The following CTRB2 variants were observed in gnomAD, a reference collection of about 807,000 sequenced individuals.
The protein encoded by CTRB2 is chymotrypsin B2.
Under a neutral mutation model 19.3 loss-of-function variants are expected in CTRB2, and 9 were observed. That is an observed-to-expected ratio of 0.47 (90% CI 0.28 to 0.81). The LOEUF is 0.81. Among genes scored for constraint, CTRB2 ranks in the 40% least tolerant of loss-of-function variants. The pLI, the probability that CTRB2 is intolerant of heterozygous loss-of-function variation, is 0.11. For synonymous variants in CTRB2, 98 were observed against 117.3 expected, an observed-to-expected ratio of 0.84 and a Z score of 1.06; for missense variants, 210 against 269.7, an observed-to-expected ratio of 0.78 and a Z score of 1.55.
Position 75,204,295 on chromosome 16 carries a change from G to A in CTRB2, c.658C>T (p.Gln220Ter), listed in dbSNP as rs764474908. The A allele has an allele frequency of 9.3e-6, 15 of 1,613,952 alleles. No homozygotes were observed. In the East Asian group the frequency reaches 2.7e-4, roughly 29 times the overall value. The change falls in exon 7 of 7, where the codon CAG becomes TAG. Residue 220 changes from glutamine to a stop codon, truncating the protein, a stop_gained. Transcript: ENST00000303037. LOFTEE classifies it low-confidence loss of function (END_TRUNC). ...MGDSGGPLVC[Q>*]KDGAWTLVGI... is the part of the protein sequence containing the mutation. ...ACCAGGGTCCAGGCTCCGTCCTTCTGGCAGACCAGGGGGCCTCCAGAGTCA... is the reference window on the plus strand; with the variant it reads ...ACCAGGGTCCAGGCTCCGTCCTTCTAGCAGACCAGGGGGCCTCCAGAGTCA...
In CTRB2 at chr16:75,205,365, GCA is replaced by G; in HGVS notation, c.462_463del (p.Ala155HisfsTer16). Reference sequence around the variant, plus strand: ...CTTGGTCTTGCCCCAGCCTGTGGTGGCACACAGTGTCCCCGCGGGGAAGTCGT... The same window carrying G: ...CTTGGTCTTGCCCCAGCCTGTGGTGGCACAGTGTCCCCGCGGGGAAGTCGT... On this transcript the variant is annotated frameshift_variant, in exon 5 of 7. Coordinates refer to ENST00000303037, the MANE Select transcript of CTRB2 (RefSeq NM_001025200.4). LOFTEE classifies it high-confidence loss of function. The G allele has an allele frequency of 2.4e-6, 1 of 414,510 alleles. No individual in the cohort carries two copies. 25.7% of individuals were successfully genotyped at this position (414,510 alleles called of 1,614,324 possible).
chr16:75,204,912 G>A lies in CTRB2; in HGVS notation c.497-6C>T. On this transcript the variant is annotated splice_polypyrimidine_tract_variant and splice_region_variant and intron_variant, in intron 5 of 6. Transcript: ENST00000303037. ...CTTGTCAGGGGTCTTGTTGGCTGCAGGACAGGAGGAGGGTCAGGGCCCCTG... is the reference window on the plus strand; with the variant it reads ...CTTGTCAGGGGTCTTGTTGGCTGCAAGACAGGAGGAGGGTCAGGGCCCCTG... 3 of 1,007,652 alleles carry A rather than the reference G, an allele frequency of 3.0e-6. No homozygotes were observed. The highest frequency in any genetic ancestry group is 4.3e-6 in the Non-Finnish European group (3 of 705,692). The allele number at this position is 1,007,652 out of a possible 1,614,324, so 62.4% of individuals were successfully genotyped here.
Position 75,206,126 on chromosome 16 carries a change from G to T in CTRB2, c.120C>A (p.Ala40=). 1.3e-6 allele frequency: 2 copies of T among 1,540,420 alleles called. No individual in the cohort carries two copies. The highest frequency in any genetic ancestry group is 1.8e-6 in the Non-Finnish European group (2 of 1,140,082). The change falls in exon 2 of 7, where the codon GCC becomes GCA. Residue 40 remains alanine (A), a synonymous_variant. Coordinates refer to ENST00000303037, the MANE Select transcript of CTRB2 (RefSeq NM_001025200.4). ...GLSRIVNGED[A]VPGSWPWQVS... ...CCTGCCAGGGCCAGGAGCCGGGGACGGCGTCCTCCCCATTCACGATCCTGG... is the reference window on the plus strand; with the variant it reads ...CCTGCCAGGGCCAGGAGCCGGGGACTGCGTCCTCCCCATTCACGATCCTGG...
rs915833993 is a variant in CTRB2 at position 75,206,944 on chromosome 16, C to A, written c.52+146G>T. On this transcript the variant is annotated intron_variant, in intron 1 of 6. Transcript: ENST00000303037. ...GGAGGCATTGACCTCTCAGCGCCCA[C>A]GGCAGAGATGGAGCCGGTGACTCGC... 2.2e-5 allele frequency: 17 copies of A among 776,250 alleles called. No individual in the cohort carries two copies. In the African/African-American group the frequency reaches 2.2e-4, roughly 10 times the overall value. 48.1% of individuals were successfully genotyped at this position (776,250 alleles called of 1,614,324 possible).
chr16:75,205,083 C>T, intron 5 of CTRB2, 177 bp from the exon 6 acceptor site: 1 of 231,250 alleles, frequency 4.3e-6, no homozygotes, highest in Non-Finnish European at 7.4e-6. Flanking sequence ...CGGGTGGGAG[C>T]CCCACGCTGC....
Position 75,204,814 on chromosome 16 carries a change from C to G in CTRB2, c.589G>C (p.Val197Leu), listed in dbSNP as rs565487383. The change falls in exon 6 of 7, where the codon GTG becomes CTG. Residue 197 changes from valine (V) to leucine (L), a missense_variant. Around this residue, in one of 4 missense-constraint regions of CTRB2, gnomAD observed 27 missense variants for 42.5 expected, o/e 0.64. Transcript: ENST00000303037. ...CCACTGGCCCCGGCACAGATCATCACGTCGGTGATCCTCCTGCCCCAGGAC... is the reference window on the plus strand; with the variant it reads ...CCACTGGCCCCGGCACAGATCATCAGGTCGGTGATCCTCCTGCCCCAGGAC... ...KKSWGRRITD[V>L]MICAGASGVS... 10 of 1,411,912 alleles carry G rather than the reference C, an allele frequency of 7.1e-6. 1 individual carries two copies. Among genetic ancestry groups the G allele is most frequent in the Admixed American group, 6.4e-5 (3 of 46,798 alleles). The allele number at this position is 1,411,912 out of a possible 1,614,324, so 87.5% of individuals were successfully genotyped here.
chr16:75,206,488 G>A (rs2038894266), intron 1 of CTRB2: 4 of 496,490 alleles, frequency 8.1e-6, no homozygotes, highest in Non-Finnish European at 1.4e-5. Flanking sequence ...CTCAGTCTGG[G>A]AGGCCAGACT....
At chr16:75,204,377 G>A in intron 6 of CTRB2, 55 bp from the exon 7 acceptor site, 3 of 1,557,450 alleles carry the variant, frequency 1.9e-6, no homozygotes, top group South Asian at 2.2e-5. Flanking sequence ...AGGGCCTAGG[G>A]GACCCTGACC....
At chr16:75,206,711 C>G (rs2038897756) in intron 1 of CTRB2, 2 of 372,406 alleles carry the variant, frequency 5.4e-6, no homozygotes, top group Non-Finnish European at 1.0e-5. Flanking sequence ...TGAACGGTGC[C>G]AAGCCCCAGC....
chr16:75,206,418 C>A, intron 1 of CTRB2: 1 of 585,754 alleles, frequency 1.7e-6, no homozygotes, highest in Non-Finnish European at 3.0e-6. Context: ...GGGGTGTTGG[C>A]CCCACCTCAG....
chr16:75,206,916 G>A lies in CTRB2; in HGVS notation c.52+174C>T, dbSNP rs1464889247. ...GCTCAGAGGCGGCAGCTGAGCCTGG[G>A]AGGGAGGCATTGACCTCTCAGCGCC... On this transcript the variant is annotated intron_variant, in intron 1 of 6. Coordinates refer to ENST00000303037, the MANE Select transcript of CTRB2 (RefSeq NM_001025200.4). The A allele has an allele frequency of 3.1e-6, 2 of 644,902 alleles. 1 individual carries two copies. Among genetic ancestry groups the A allele is most frequent in the African/African-American group, 3.6e-5 (2 of 55,812 alleles). 39.9% of individuals were successfully genotyped at this position (644,902 alleles called of 1,614,324 possible).
chr16:75,206,745 C>A, intron 1 of CTRB2: 2 of 396,948 alleles, frequency 5.0e-6, no homozygotes, highest in Non-Finnish European at 9.6e-6. Flanking sequence ...ACCACCCAAA[C>A]CTGTGCTGGG....
intron 1 of CTRB2, chr16:75,206,873 G>A (rs1488593823): frequency 5.4e-6 from 3 of 560,382 alleles, no homozygotes; most frequent in Admixed American, 2.8e-5. Flanking sequence ...AAGGGGAGCG[G>A]GACTCCCCAT....
In CTRB2 at chr16:75,205,135, G is replaced by A. The variant is rs1372427287; in HGVS notation, c.496+198C>T. On this transcript the variant is annotated intron_variant, in intron 5 of 6. Transcript: ENST00000303037. ...GCCAGGGCAGGGCTCACCCGGCCGG[G>A]CGCTGCTCAGAAGCTCCCTGTGCAG... 3.2e-5 allele frequency: 6 copies of A among 188,480 alleles called. No individual in the cohort carries two copies. In the East Asian group the frequency reaches 6.8e-4, roughly 21 times the overall value. The allele number at this position is 188,480 out of a possible 1,614,324, so 11.7% of individuals were successfully genotyped here.
rs781425687 is a variant in CTRB2, at chr16:75,204,299, G to A, written c.654C>T (p.Val218=). Residue 218 remains valine, a synonymous_variant, in exon 7 of 7, where the codon GTC becomes GTT. Coordinates refer to ENST00000303037, the MANE Select transcript of CTRB2 (RefSeq NM_001025200.4). ...SCMGDSGGPL[V]CQKDGAWTLV... is the part of the protein sequence containing the mutation. ...GGGTCCAGGCTCCGTCCTTCTGGCAGACCAGGGGGCCTCCAGAGTCACCCT... is the reference window on the plus strand; with the variant it reads ...GGGTCCAGGCTCCGTCCTTCTGGCAAACCAGGGGGCCTCCAGAGTCACCCT... The A allele has an allele frequency of 3.1e-6, 5 of 1,613,974 alleles. No individual in the cohort carries two copies. In the African/African-American group the frequency reaches 5.3e-5, roughly 17 times the overall value.
At position 75,204,124 on chromosome 16, in the gene CTRB2, G is replaced by A; in HGVS notation, c.*37C>T. 6.2e-7 allele frequency: 1 copy of A among 1,613,568 alleles called. No individual in the cohort carries two copies. Among genetic ancestry groups the A allele is most frequent in the Non-Finnish European group, 8.5e-7 (1 of 1,179,536 alleles). ...GGGCTTCTAAACAGATGCATTTAAT[G>A]GGAAATCTTAAGGCAGGGGTGGCAG... On this transcript the variant is annotated 3_prime_UTR_variant, in exon 7 of 7. Transcript: ENST00000303037.
At position 75,206,170 on chromosome 16, in the gene CTRB2, G is replaced by A. The variant is rs1164061053; in HGVS notation, c.76C>T (p.Pro26Ser). 1.9e-6 allele frequency: 3 copies of A among 1,555,040 alleles called. No homozygotes were observed. Among genetic ancestry groups the A allele is most frequent in the African/African-American group, 1.4e-5 (1 of 73,542 alleles). ...ATCCTGGACAGGCCGCTGAGCACAG[G>A]GTGGATGGCGGGGACCCCGCAGCCT... is the stretch of plus-strand genomic sequence containing the variant. ...TFGCGVPAIHPVLSGLSRIVN... is the reference protein window; with the variant it reads ...TFGCGVPAIHSVLSGLSRIVN... The change falls in exon 2 of 7, where the codon CCT (proline) becomes TCT (serine). Residue 26 changes from proline (P) to serine (S), a missense_variant. Transcript: ENST00000303037.
At chr16:75,206,768 T>C (rs2038898831) in intron 1 of CTRB2, 2 of 421,642 alleles carry the variant, frequency 4.7e-6, no homozygotes, top group Non-Finnish European at 9.0e-6. Flanking sequence ...CGCTGACTGT[T>C]TGGGGGTTTC....
At chr16:75,206,759 GCTGA>G (rs2038898673) in intron 1 of CTRB2, 7 of 409,596 alleles carry the variant, frequency 1.7e-5, no homozygotes, top group South Asian at 4.3e-5. Context: ...TGCTGGGGCC[GCTGA>G]CTGTTTGGGG....
Sources: allele counts gnomAD v4.1 joint callset, GRCh38; gene constraint gnomAD v4.1.1; regional missense constraint gnomAD v4.1.1; transcripts MANE v1.5; gene names NCBI Gene and HGNC (gene_info 2026-07-23, HGNC 2026-07-21).